OR51B5: variants seen among roughly 807,000 people sequenced by gnomAD.
OR51B5 encodes olfactory receptor family 51 subfamily B member 5.
For missense variants in OR51B5, 456 were observed against 374.6 expected, an observed-to-expected ratio of 1.22 and a Z score of -1.79; for synonymous variants, 186 against 144.8, an observed-to-expected ratio of 1.28 and a Z score of -2.04.
At chr11:5,390,707 C>G (rs1416395999) in intron 1 of OR51B5, 1 of 217,882 alleles carries the variant, frequency 4.6e-6, no homozygotes, top group Non-Finnish European at 9.1e-6. Context: ...TACCAGAGCA[C>G]CCAGAGGAGA....
chr11:5,448,342 A>T (rs1850799824), intron 1 of OR51B5, among the ~76,000 whole-genome samples: 1 of 152,218 alleles, frequency 6.6e-6, no homozygotes, highest in Admixed American at 6.5e-5. Flanking sequence ...TGAATAAATT[A>T]ACACTGATAA....
intron 1 of OR51B5, chr11:5,422,428 C>T (rs770489511): frequency 3.1e-6 from 5 of 1,614,140 alleles, no homozygotes; most frequent in Non-Finnish European, 4.2e-6. Flanking sequence ...TGGGTCTCAC[C>T]CTCACCACCC....
intron 1 of OR51B5, among the ~76,000 whole-genome samples, chr11:5,478,101 C>A (rs373407109): frequency 5.3e-5 from 8 of 151,812 alleles, no homozygotes; most frequent in East Asian, 2.0e-4. Context: ...CTGCAGACTT[C>A]AATGTCCCTG....
At chr11:5,412,354 C>T (rs1479003912) in intron 1 of OR51B5, among the ~76,000 whole-genome samples, 2 of 152,182 alleles carry the variant, frequency 1.3e-5, no homozygotes, top group African/African-American at 4.8e-5. Context: ...CAGCTCCCAG[C>T]GTGAGCGATG....
In OR51B5 at chr11:5,504,780, G is replaced by A. The variant is rs61892120; in HGVS notation, n.84+789C>T. Among the ~76,000 whole-genome samples the A allele has an allele frequency of 5.8e-3, 878 of 152,236 alleles. 6 individuals carry two copies. Among genetic ancestry groups the A allele is most frequent in the Non-Finnish European group, 0.011 (722 of 68,002 alleles). ...TTTCCACGTACCAGGCCCTACCTTA[G>A]CTGCTAGGTAGAAGACAGTGACCCT... On this transcript the variant is annotated intron_variant and non_coding_transcript_variant, in intron 1 of 4. Transcript: ENST00000415970.
intron 1 of OR51B5, among the ~76,000 whole-genome samples, chr11:5,373,230 T>C (rs1046622944): frequency 3.3e-5 from 5 of 152,210 alleles, no homozygotes; most frequent in South Asian, 4.1e-4. Flanking sequence ...TGTATAGAGA[T>C]AGCTGCTTGA....
intron 1 of OR51B5, among the ~76,000 whole-genome samples, chr11:5,428,906 G>T (rs924489128): frequency 6.6e-6 from 1 of 152,190 alleles, no homozygotes; most frequent in Non-Finnish European, 1.5e-5. Flanking sequence ...TAAAATGTAG[G>T]TATAGTTTTT....
intron 1 of OR51B5, among the ~76,000 whole-genome samples, chr11:5,370,074 T>C (rs1237862685): frequency 2.0e-5 from 3 of 152,132 alleles, no homozygotes; most frequent in Non-Finnish European, 2.9e-5. Flanking sequence ...TGCCATCTTA[T>C]GGTTTGTACA....
At chr11:5,347,879 A>G (rs1849017041), upstream of OR51B5, among the ~76,000 whole-genome samples, 1 of 152,130 alleles carries the variant, frequency 6.6e-6, no homozygotes, top group South Asian at 2.1e-4. Flanking sequence ...AAATGTTCCT[A>G]CCAGCCAGGC....
chr11:5,500,932 T>C (rs1439725145), intron 1 of OR51B5, among the ~76,000 whole-genome samples: 1 of 148,270 alleles, frequency 6.7e-6, no homozygotes, highest in Admixed American at 7.0e-5. Context: ...TCTGCCATTA[T>C]TTTAGGTTGA....
intron 1 of OR51B5, among the ~76,000 whole-genome samples, chr11:5,471,851 G>A (rs1162508199): frequency 6.6e-6 from 1 of 152,038 alleles, no homozygotes; most frequent in Non-Finnish European, 1.5e-5. Context: ...AGAATAGAAA[G>A]AGTAATGCAA....
In OR51B5 at chr11:5,373,211, G is replaced by A. The variant is rs559387975; in HGVS notation, n.85-26301C>T. ...TAAGACCTGAAATCACAAAACTCCT[G>A]GAAGAACATGTATAGAGATAGCTGC... On this transcript the variant is annotated intron_variant and non_coding_transcript_variant, in intron 1 of 4. Transcript: ENST00000415970. Among the ~76,000 whole-genome samples the A allele has an allele frequency of 5.3e-5, 8 of 152,234 alleles. No individual in the cohort carries two copies. The East Asian group carries it at 9.6e-4, about 18-fold the overall frequency.
rs1304140319 is a variant in OR51B5, at chr11:5,453,891, G to C, written n.84+51678C>G. The C allele has an allele frequency of 2.5e-6, 4 of 1,614,074 alleles. No homozygotes were observed. The highest frequency in any genetic ancestry group is 3.4e-6 in the Non-Finnish European group (4 of 1,180,046). ...TTGTGACCCCTTGCGCTATGCAACTGTGCTCACCACTGAAGTCATTGCTGC... is the reference window on the plus strand; with the variant it reads ...TTGTGACCCCTTGCGCTATGCAACTCTGCTCACCACTGAAGTCATTGCTGC... On this transcript the variant is annotated intron_variant and non_coding_transcript_variant, in intron 1 of 4. Transcript: ENST00000415970.
chr11:5,468,883 G>C (rs1181041193), intron 1 of OR51B5: 4 of 406,158 alleles, frequency 9.8e-6, no homozygotes, highest in Non-Finnish European at 2.0e-5. Flanking sequence ...GCAGACAGTA[G>C]GAATGGGCCA....
intron 1 of OR51B5, among the ~76,000 whole-genome samples, chr11:5,491,227 A>C (rs989896767): frequency 1.3e-5 from 2 of 152,242 alleles, no homozygotes; most frequent in African/African-American, 2.4e-5. Context: ...TTGTTTATTC[A>C]TATTACACTG....
chr11:5,484,740 A>G (rs1851476201), intron 1 of OR51B5, among the ~76,000 whole-genome samples: 1 of 152,240 alleles, frequency 6.6e-6, no homozygotes. Flanking sequence ...GCCAGGAAGT[A>G]GCAAACCTGG....
At chr11:5,422,651 A>G in intron 1 of OR51B5, 2 of 1,613,866 alleles carry the variant, frequency 1.2e-6, no homozygotes, top group Non-Finnish European at 1.7e-6. Context: ...GTTAGCCATC[A>G]TTTGCTGCTG....
chr11:5,369,414 A>T (rs1413710111), intron 1 of OR51B5, among the ~76,000 whole-genome samples: 1 of 152,196 alleles, frequency 6.6e-6, no homozygotes, highest in Non-Finnish European at 1.5e-5. Context: ...AATTACATCT[A>T]TTATACCTCA....
intron 1 of OR51B5, chr11:5,403,335 G>A (rs760825807): frequency 2.1e-5 from 10 of 471,526 alleles, no homozygotes; most frequent in Admixed American, 7.0e-5. Context: ...TGGCTCACAC[G>A]TCTGTGCTGT....
Sources: gnomAD v4.1 joint callset for allele counts (sites outside exome capture counted in the v4.1 genomes callset) on GRCh38, gnomAD v4.1.1 for gene constraint, MANE v1.5 for transcripts, NCBI Gene and HGNC (gene_info 2026-07-23, HGNC 2026-07-21) for gene names.